Variants in ARPC4 observed in about 807,000 individuals in gnomAD.
ARPC4 encodes the protein actin-related protein 2/3 complex subunit 4.
ARPC4 carries 3 observed loss-of-function variants against 22.8 expected under a neutral mutation model. That is an observed-to-expected ratio of 0.13 (90% CI 0.06 to 0.34). The LOEUF (loss-of-function observed/expected upper bound fraction) is 0.34, where lower values mean the gene tolerates loss of function less well. ARPC4 is among the 10% of genes least tolerant of loss of function. The pLI is 1.00. For missense variants in ARPC4, 98 were observed against 211.0 expected, an observed-to-expected ratio of 0.46 and a Z score of 3.32; for synonymous variants, 80 against 72.5, an observed-to-expected ratio of 1.10 and a Z score of -0.52.
Position 9,800,197 on chromosome 3 carries a change from G to A in ARPC4, c.135G>A (p.Glu45=), listed in dbSNP as rs763265607. 13 of 1,613,918 alleles carry A rather than the reference G, an allele frequency of 8.1e-6. No individual in the cohort carries two copies. The highest frequency in any genetic ancestry group is 8.5e-6 in the Non-Finnish European group (10 of 1,180,014). The stretch of plus-strand genomic sequence containing the variant: ...ATTATGTTTTCAGGAGTAGCAAAGA[G>A]CTCCTGTTACAACCTGTGACCATCA... The part of the protein sequence containing the change: ...KPEVEVRSSK[E]LLLQPVTISR... The change falls in exon 3 of 6, where the codon GAG becomes GAA. Residue 45 remains glutamate, a synonymous_variant. Coordinates refer to ENST00000397261, the MANE Select transcript of ARPC4 (RefSeq NM_005718.5).
intron 2 of ARPC4, 99 bp from the exon 3 acceptor site, chr3:9,800,086 G>T: frequency 8.4e-7 from 1 of 1,184,914 alleles, no homozygotes; most frequent in Non-Finnish European, 1.2e-6. Context: ...TCTATTCCTT[G>T]GACTCTATGG....
upstream of ARPC4, chr3:9,792,907 C>A: frequency 1.1e-5 from 15 of 1,398,394 alleles, no homozygotes; most frequent in Non-Finnish European, 1.4e-5. Flanking sequence ...TAAATAGTGA[C>A]TCGAGTGCAA....
upstream of ARPC4, chr3:9,792,894 G>A: frequency 2.1e-6 from 3 of 1,397,732 alleles, no homozygotes; most frequent in Non-Finnish European, 2.8e-6. Context: ...TCCTGGAGGA[G>A]CTTAAATAGT....
Position 9,803,878 on chromosome 3 carries a change from C to T in ARPC4, c.366C>T (p.His122=). The T allele has an allele frequency of 6.2e-7, 1 of 1,614,252 alleles. No homozygotes were observed. The highest frequency in any genetic ancestry group is 1.1e-5 in the South Asian group (1 of 91,084). The change falls in exon 5 of 6, where the codon CAC becomes CAT. Residue 122 remains histidine, a synonymous_variant. Transcript: ENST00000397261. The part of the protein sequence containing the change: ...YDISFLITNF[H]TEQMYKHKLV... ...TCAGCTTTCTGATCACCAACTTCCA[C>T]ACAGAGCAGATGTACAAACACAAGT...
intron 1 of ARPC4, among the ~76,000 whole-genome samples, chr3:9,796,707 CAA>C (rs2078896487): frequency 6.6e-6 from 1 of 152,010 alleles, no homozygotes; most frequent in Non-Finnish European, 1.5e-5. Context: ...TTTGGGAGGC[CAA>C]GGCGGGCAGA....
At chr3:9,799,757 G>A in intron 2 of ARPC4, 1 of 428,938 alleles carries the variant, frequency 2.3e-6, no homozygotes, top group Non-Finnish European at 4.7e-6. Flanking sequence ...TCAGATTTTG[G>A]ATTTCAGATT....
At chr3:9,805,850 A>T (rs1193376332) in intron 5 of ARPC4, among the ~76,000 whole-genome samples, 1 of 152,200 alleles carries the variant, frequency 6.6e-6, no homozygotes, top group Non-Finnish European at 1.5e-5. Context: ...TGGCCCTCTG[A>T]GTCCCCAGGC....
chr3:9,799,644 T>A (rs955521129), intron 2 of ARPC4, among the ~76,000 whole-genome samples: 1 of 152,286 alleles, frequency 6.6e-6, no homozygotes, highest in Non-Finnish European at 1.5e-5. Context: ...GATATCACCA[T>A]GTTGGCCAGG....
chr3:9,803,785 G>T, intron 4 of ARPC4, 58 bp from the exon 5 acceptor site: 1 of 1,550,522 alleles, frequency 6.4e-7, no homozygotes, highest in South Asian at 1.2e-5. Context: ...CAGTTCCCAT[G>T]GGGTGCTAAT....
At chr3:9,805,885 TAAAG>T (rs1314716287) in intron 5 of ARPC4, among the ~76,000 whole-genome samples, 1 of 152,186 alleles carries the variant, frequency 6.6e-6, no homozygotes, top group African/African-American at 2.4e-5. Flanking sequence ...CCCCCATGCC[TAAAG>T]AAAGCAACCT....
chr3:9,800,092 T>C, intron 2 of ARPC4, 93 bp from the exon 3 acceptor site: 2 of 1,265,614 alleles, frequency 1.6e-6, no homozygotes, highest in East Asian at 2.5e-5. Flanking sequence ...CCTTGGACTC[T>C]ATGGTCTCAT....
rs1424270802 is a variant in ARPC4 at position 9,806,479 on chromosome 3, T to TA, written c.*267dup. Reference sequence around the variant, plus strand: ...AGATTTTTTTTAACGTCTTGAAACTTAAACTCTGTGCTTGTAGGATACTGT... The same window carrying TA: ...AGATTTTTTTTAACGTCTTGAAACTTAAAACTCTGTGCTTGTAGGATACTGT... On this transcript the variant is annotated 3_prime_UTR_variant, in exon 6 of 6. Transcript: ENST00000397261. 1 of 572,972 alleles carries TA rather than the reference T, an allele frequency of 1.7e-6. No individual in the cohort carries two copies. The highest frequency in any genetic ancestry group is 2.9e-5 in the East Asian group (1 of 33,968). The allele number at this position is 572,972 out of a possible 1,614,324, so 35.5% of individuals were successfully genotyped here. A position where few individuals can be genotyped will look rare whatever the true frequency, so the allele number is the denominator to read the frequency against.
Position 9,806,407 on chromosome 3 carries a change from G to A in ARPC4, c.*192G>A, listed in dbSNP as rs371300539. 98 of 669,068 alleles carry A rather than the reference G, an allele frequency of 1.5e-4. 1 individual carries two copies. Among genetic ancestry groups the A allele is most frequent in the African/African-American group, 1.5e-3 (82 of 56,540 alleles). The allele number at this position is 669,068 out of a possible 1,614,324, so 41.4% of individuals were successfully genotyped here. On this transcript the variant is annotated 3_prime_UTR_variant, in exon 6 of 6. Transcript: ENST00000397261. ...CAGTGGACCTGCCCCAAGGCCACAC[G>A]TGCCTGGTCAGGCTGGCTTCTGATG...
intron 5 of ARPC4, among the ~76,000 whole-genome samples, chr3:9,806,003 T>C (rs899988223): frequency 6.6e-6 from 1 of 152,224 alleles, no homozygotes; most frequent in African/African-American, 2.4e-5. Context: ...TTCTGCCTTA[T>C]CTAGTGCTAG....
At chr3:9,797,914 T>C in intron 2 of ARPC4, 137 bp downstream of exon 2, 2 of 909,440 alleles carry the variant, frequency 2.2e-6, no homozygotes, top group East Asian at 2.7e-5. Context: ...GCCAGCTGAA[T>C]GGTGATTCCC....
intron 5 of ARPC4, chr3:9,804,299 C>T: frequency 3.2e-6 from 1 of 309,042 alleles, no homozygotes; most frequent in Admixed American, 4.6e-5. Context: ...TTCACAAAGT[C>T]CTTGCCTCTA....
chr3:9,806,032 T>A (rs955614412), intron 5 of ARPC4, among the ~76,000 whole-genome samples, 178 bp from the exon 6 acceptor site: 3 of 152,226 alleles, frequency 2.0e-5, no homozygotes, highest in Non-Finnish European at 4.4e-5. Flanking sequence ...CCGGTGCCCA[T>A]AGGTCACTTC....
intron 1 of ARPC4, among the ~76,000 whole-genome samples, chr3:9,793,760 A>ATGTGGGCCTTTTTCATACG (rs2078812762): frequency 6.6e-6 from 1 of 150,916 alleles, no homozygotes; most frequent in Non-Finnish European, 1.5e-5. Context: ...TTTTTCATAC[A>ATGTGGGCCTTTTTCATACG]TGTGGGCCTT....
rs1268878299 is a variant in ARPC4, at chr3:9,797,660, C to T, written c.5C>T (p.Thr2Ile). The change falls in exon 2 of 6, where the codon ACT (threonine) becomes ATT (isoleucine). Residue 2 changes from threonine (T) to isoleucine (I), a missense_variant and splice_region_variant. Transcript: ENST00000397261. The stretch of plus-strand genomic sequence containing the variant: ...TTTCCTCTGTGTTATTTCCTATAGA[C>T]TGCCACTCTCCGCCCCTACCTGAGT... M[T>I]ATLRPYLSAV... is the part of the protein sequence containing the mutation. The T allele has an allele frequency of 6.2e-7, 1 of 1,613,426 alleles. No individual in the cohort carries two copies. The highest frequency in any genetic ancestry group is 1.7e-5 in the Admixed American group (1 of 59,934).
Sources: gnomAD v4.1 joint callset for allele counts (sites outside exome capture counted in the v4.1 genomes callset) on GRCh38, gnomAD v4.1.1 for gene constraint, MANE v1.5 for transcripts, NCBI Gene and HGNC (gene_info 2026-07-23, HGNC 2026-07-21) for gene names.